Variants in PPP1R3A observed in about 807,000 individuals in gnomAD.
PPP1R3A encodes the protein RG1.
PPP1R3A carries 29 observed loss-of-function variants against 41.7 expected under a neutral mutation model. The ratio of observed to expected loss-of-function variants is 0.70; its 90% CI spans 0.52 to 0.95. PPP1R3A has a LOEUF of 0.95. Ranked by LOEUF, PPP1R3A falls within the 40% of genes least tolerant of loss-of-function variation. PPP1R3A has a pLI of 0.00. For missense variants in PPP1R3A, 1,352 were observed against 1,292.4 expected (o/e 1.05, Z -0.71); for synonymous variants, 485 against 453.4 (o/e 1.07, Z -0.89).
intron 1 of PPP1R3A, among the ~76,000 whole-genome samples, chr7:113,900,045 T>C (rs1243275827): frequency 7.4e-6 from 1 of 135,236 alleles, no homozygotes; most frequent in East Asian, 2.0e-4. Context: ...CTCTCCATAC[T>C]TCAATGAATT....
Position 113,918,571 on chromosome 7 carries a change from G to T in PPP1R3A, c.426C>A (p.Ile142=), listed in dbSNP as rs773095577. ...STESLLGSTS[I]KGIIRVLNVS... is the part of the protein sequence containing the mutation. Reference sequence around the variant, plus strand: ...CATTCAAAACTCGAATAATACCCTTGATACTTGTAGACCCAAGAAGAGACT... The same window carrying T: ...CATTCAAAACTCGAATAATACCCTTTATACTTGTAGACCCAAGAAGAGACT... The change falls in exon 1 of 4, where the codon ATC becomes ATA. Residue 142 remains isoleucine (I), a synonymous_variant. Coordinates refer to ENST00000284601, the MANE Select transcript of PPP1R3A (RefSeq NM_002711.4). The T allele has an allele frequency of 1.2e-5, 19 of 1,613,034 alleles. No homozygotes were observed. The South Asian group carries it at 1.9e-4, about 16-fold the overall frequency.
intron 1 of PPP1R3A, among the ~76,000 whole-genome samples, chr7:113,908,352 G>A (rs546386067): frequency 9.5e-4 from 144 of 151,946 alleles, no homozygotes; most frequent in African/African-American, 3.4e-3. Flanking sequence ...GTGTGTGTGT[G>A]TATTTTTTCC....
rs914567975 is a variant in PPP1R3A at position 113,877,367 on chromosome 7, GAA to G, written c.*354_*355del. On this transcript the variant is annotated 3_prime_UTR_variant, in exon 4 of 4. Coordinates refer to ENST00000284601, the MANE Select transcript of PPP1R3A (RefSeq NM_002711.4). ...AGGGGAAAATATATACTCTCAAGGGGAAAAAAAAATGAAGCTTTATTGCAAGA... is the reference window on the plus strand; with the variant it reads ...AGGGGAAAATATATACTCTCAAGGGGAAAAAAATGAAGCTTTATTGCAAGA... The G allele has an allele frequency of 1.2e-5, 2 of 168,888 alleles. No individual in the cohort carries two copies. The highest frequency in any genetic ancestry group is 1.6e-4 in the East Asian group (1 of 6,074). 10.5% of individuals were successfully genotyped at this position (168,888 alleles called of 1,614,324 possible).
intron 1 of PPP1R3A, among the ~76,000 whole-genome samples, chr7:113,897,195 A>G (rs1253414424): frequency 1.3e-5 from 2 of 151,830 alleles, no homozygotes; most frequent in Non-Finnish European, 2.9e-5. Context: ...TAAACTCCAT[A>G]TATCCTAAGC....
chr7:113,885,341 C>T (rs534146458), intron 1 of PPP1R3A, among the ~76,000 whole-genome samples: 8 of 152,220 alleles, frequency 5.3e-5, no homozygotes, highest in Admixed American at 2.0e-4. Context: ...GCCACCGCAC[C>T]TGGCCCCCAG....
Position 113,901,560 on chromosome 7 carries a change from T to C in PPP1R3A, c.782+16655A>G, listed in dbSNP as rs144950364. 9.1e-3 allele frequency among the ~76,000 whole-genome samples: 1,387 copies of C among 151,956 alleles called. 11 individuals carry two copies. The highest frequency in any genetic ancestry group is 0.015 in the Admixed American group (230 of 15,246). Reference sequence around the variant, plus strand: ...TTGTGAATGGGTTAAAGTAGGAATGTCACAGAGAAAATTACGAAATAAAGA... The same window carrying C: ...TTGTGAATGGGTTAAAGTAGGAATGCCACAGAGAAAATTACGAAATAAAGA... On this transcript the variant is annotated intron_variant, in intron 1 of 3. Coordinates refer to ENST00000284601, the MANE Select transcript of PPP1R3A (RefSeq NM_002711.4).
rs1247090198 is a variant in PPP1R3A at position 113,879,899 on chromosome 7, T to A, written c.1193A>T (p.Asp398Val). The A allele has an allele frequency of 9.9e-6, 16 of 1,613,450 alleles. No individual in the cohort carries two copies. The highest frequency in any genetic ancestry group is 1.4e-5 in the Non-Finnish European group (16 of 1,179,682). Residue 398 changes from aspartate to valine, a missense_variant, in exon 4 of 4, where the codon GAT (aspartate) becomes GTT (valine). Transcript: ENST00000284601. The part of the protein sequence containing the change: ...FYCNEKYSSG[D>V]DCTHQPSEET... ...CTCTGAAGGTTGATGTGTACAGTCA[T>A]CTCCTGAGGAATATTTTTCATTGCA...
intron 1 of PPP1R3A, among the ~76,000 whole-genome samples, chr7:113,885,141 C>T (rs1431611407): frequency 6.6e-6 from 1 of 152,232 alleles, no homozygotes; most frequent in East Asian, 1.9e-4. Context: ...GCAACTTCCA[C>T]CTCCCAGGTT....
intron 3 of PPP1R3A, among the ~76,000 whole-genome samples, 181 bp downstream of exon 3, chr7:113,881,858 G>T (rs1796699706): frequency 6.6e-6 from 1 of 152,162 alleles, no homozygotes; most frequent in African/African-American, 2.4e-5. Context: ...GCAGAGACCA[G>T]AAGCAACATA....
At chr7:113,897,197 A>AAG (rs1796990936) in intron 1 of PPP1R3A, among the ~76,000 whole-genome samples, 1 of 151,834 alleles carries the variant, frequency 6.6e-6, no homozygotes, top group Non-Finnish European at 1.5e-5. Flanking sequence ...AACTCCATAT[A>AAG]TCCTAAGCAC....
rs1209837988 is a variant in PPP1R3A, at chr7:113,918,905, A to G, written c.92T>C (p.Val31Ala). 2 of 1,613,092 alleles carry G rather than the reference A, an allele frequency of 1.2e-6. No homozygotes were observed. The highest frequency in any genetic ancestry group is 2.2e-5 in the East Asian group (1 of 44,850). Residue 31 changes from valine to alanine, a missense_variant, in exon 1 of 4, where the codon GTT becomes GCT. Transcript: ENST00000284601. Reference sequence around the variant, plus strand: ...AGGGGAGAAACCAGGTTGGAAAGTAACTTCTTCATCTTCACAAAGAGAGTC... The same window carrying G: ...AGGGGAGAAACCAGGTTGGAAAGTAGCTTCTTCATCTTCACAAAGAGAGTC... ...LSDSLCEDEE[V>A]TFQPGFSPQP...
At chr7:113,884,135 A>G (rs1298135758) in intron 1 of PPP1R3A, among the ~76,000 whole-genome samples, 1 of 152,048 alleles carries the variant, frequency 6.6e-6, no homozygotes, top group Admixed American at 6.6e-5. Context: ...AAGAATGTCA[A>G]CAATCCTAAA....
At chr7:113,902,498 C>T (rs1280675302) in intron 1 of PPP1R3A, among the ~76,000 whole-genome samples, 1 of 151,808 alleles carries the variant, frequency 6.6e-6, no homozygotes, top group African/African-American at 2.4e-5. Context: ...TCAGAGTCAG[C>T]TTGCCTCTCT....
chr7:113,888,246 G>A lies in PPP1R3A; in HGVS notation c.783-5926C>T, dbSNP rs150373553. On this transcript the variant is annotated intron_variant, in intron 1 of 3. Coordinates refer to ENST00000284601, the MANE Select transcript of PPP1R3A (RefSeq NM_002711.4). Reference sequence around the variant, plus strand: ...GTTTAGGGCTAAACAGGAGAGAGACGTGGTCAGATTTACATTTACCAACGT... The same window carrying A: ...GTTTAGGGCTAAACAGGAGAGAGACATGGTCAGATTTACATTTACCAACGT... 1.4e-3 allele frequency among the ~76,000 whole-genome samples: 216 copies of A among 152,174 alleles called. 1 individual carries two copies. The highest frequency in any genetic ancestry group is 5.0e-3 in the African/African-American group (206 of 41,522).
intron 1 of PPP1R3A, among the ~76,000 whole-genome samples, chr7:113,914,400 C>A (rs1019606872): frequency 2.0e-5 from 3 of 152,052 alleles, no homozygotes; most frequent in Non-Finnish European, 4.4e-5. Context: ...TTCATTTTTT[C>A]ATCTATTAAA....
chr7:113,915,267 T>C (rs1797319440), intron 1 of PPP1R3A, among the ~76,000 whole-genome samples: 1 of 151,992 alleles, frequency 6.6e-6, no homozygotes, highest in Non-Finnish European at 1.5e-5. Flanking sequence ...GAAAACATAA[T>C]GCCTGGGTGG....
At chr7:113,892,858 T>A (rs1796916488) in intron 1 of PPP1R3A, among the ~76,000 whole-genome samples, 1 of 152,102 alleles carries the variant, frequency 6.6e-6, no homozygotes, top group Non-Finnish European at 1.5e-5. Flanking sequence ...CTATGCTGAA[T>A]CTGGGGACTA....
chr7:113,879,933 C>G lies in PPP1R3A; in HGVS notation c.1159G>C (p.Asp387His), dbSNP rs772888498. 3 of 1,613,526 alleles carry G rather than the reference C, an allele frequency of 1.9e-6. No homozygotes were observed. The highest frequency in any genetic ancestry group is 2.5e-6 in the Non-Finnish European group (3 of 1,179,658). Residue 387 changes from aspartate to histidine, a missense_variant, in exon 4 of 4, where the codon GAT (aspartate) becomes CAT (histidine). Coordinates refer to ENST00000284601, the MANE Select transcript of PPP1R3A (RefSeq NM_002711.4). ...SSSAESSVKG[D>H]FYCNEKYSSG... ...GAATATTTTTCATTGCAGTAAAAAT[C>G]TCCCTTTACGGAGCTTTCTGCTGAT... is the stretch of plus-strand genomic sequence containing the variant.
Position 113,879,979 on chromosome 7 carries a change from T to C in PPP1R3A, c.1113A>G (p.Gln371=), listed in dbSNP as rs763221014. The C allele has an allele frequency of 6.2e-7, 1 of 1,613,490 alleles. No individual in the cohort carries two copies. The highest frequency in any genetic ancestry group is 1.7e-5 in the Admixed American group (1 of 59,946). Residue 371 remains glutamine (Q), a synonymous_variant, in exon 4 of 4, where the codon CAA becomes CAG. Transcript: ENST00000284601. ...IHGEICTDLF[Q]RSLSPSSSAE... ...CTGATGAACTTGGAGACAGAGACCTTTGGAACAAGTCAGTACATATTTCAC... is the reference window on the plus strand; with the variant it reads ...CTGATGAACTTGGAGACAGAGACCTCTGGAACAAGTCAGTACATATTTCAC...
Sources: allele counts gnomAD v4.1 joint callset (sites outside exome capture counted in the v4.1 genomes callset), GRCh38; gene constraint gnomAD v4.1.1; transcripts MANE v1.5; gene names NCBI Gene and HGNC (gene_info 2026-07-23, HGNC 2026-07-21).